Variants in PKHD1 observed in about 807,000 individuals in gnomAD.
PKHD1 encodes fibrocystin.
A neutral mutation model predicts 412.0 loss-of-function variants in PKHD1; 291 were observed. The observed-to-expected ratio is 0.71, with a 90% CI of 0.64 to 0.78. The LOEUF (loss-of-function observed/expected upper bound fraction) is 0.78. Among genes scored for constraint, PKHD1 ranks in the 30% least tolerant of loss-of-function variants. The pLI is 0.00. For missense variants in PKHD1, 4,825 were observed against 4,950.7 expected, an observed-to-expected ratio of 0.97 and a Z score of 0.76; for synonymous variants, 1,777 against 1,821.5, an observed-to-expected ratio of 0.98 and a Z score of 0.62.
chr6:51,841,430 T>C (rs1391784072), intron 50 of PKHD1, among the ~76,000 whole-genome samples: 1 of 152,102 alleles, frequency 6.6e-6, no homozygotes, highest in Admixed American at 6.6e-5. Context: ...CTTTTCTCCT[T>C]CTCTTCCTGC....
chr6:51,842,784 G>A (rs1015117346), intron 50 of PKHD1, among the ~76,000 whole-genome samples: 1 of 152,204 alleles, frequency 6.6e-6, no homozygotes, highest in Non-Finnish European at 1.5e-5. Context: ...CTGATGCTTT[G>A]GGGGACCCAG....
At chr6:51,908,796 A>G (rs547936047) in intron 40 of PKHD1, among the ~76,000 whole-genome samples, 2 of 152,014 alleles carry the variant, frequency 1.3e-5, no homozygotes, top group South Asian at 4.1e-4. Context: ...ATTCCCCCTC[A>G]TTTCCCCAGG....
chr6:51,836,272 G>C (rs1369942532), intron 51 of PKHD1, 132 bp downstream of exon 51: 3 of 722,358 alleles, frequency 4.2e-6, no homozygotes, highest in Non-Finnish European at 2.6e-6. Flanking sequence ...ACACAATAGA[G>C]AGTTATCAGA....
In PKHD1 at chr6:51,835,013, G is replaced by A. The variant is rs193126123; in HGVS notation, c.8173+1391C>T. ...TTTGTAAAATGAGGCAACTGGATAG[G>A]ATAGCCTGCAAGGTCTCCACCTTTG... On this transcript the variant is annotated intron_variant, in intron 51 of 66. Coordinates refer to ENST00000371117, the MANE Select transcript of PKHD1 (RefSeq NM_138694.4). Among the ~76,000 whole-genome samples, 730 of 152,230 alleles carry A rather than the reference G, an allele frequency of 4.8e-3. 7 individuals carry two copies. The highest frequency in any genetic ancestry group is 7.2e-3 in the Non-Finnish European group (492 of 67,998).
chr6:51,940,999 C>A (rs754811956), intron 36 of PKHD1, among the ~76,000 whole-genome samples: 6 of 151,352 alleles, frequency 4.0e-5, no homozygotes, highest in Non-Finnish European at 8.9e-5. Flanking sequence ...TACAGCCACA[C>A]CTCACTGCTG....
At chr6:51,635,865 G>C (rs1412387660) in intron 64 of PKHD1, among the ~76,000 whole-genome samples, 6 of 101,478 alleles carry the variant, frequency 5.9e-5, no homozygotes, top group Non-Finnish European at 2.1e-5. Context: ...AGGTGGGGGG[G>C]GGCGGGGGGC....
intron 35 of PKHD1, among the ~76,000 whole-genome samples, chr6:51,967,779 C>G (rs78559453): frequency 1.3e-5 from 2 of 152,160 alleles, no homozygotes; most frequent in South Asian, 2.1e-4. Context: ...TTTTCACAAG[C>G]TAACACACTG....
chr6:51,709,690 G>A (rs1167042056), intron 60 of PKHD1, among the ~76,000 whole-genome samples: 6 of 152,052 alleles, frequency 3.9e-5, no homozygotes, highest in Admixed American at 1.3e-4. Flanking sequence ...TGACGTAAAG[G>A]TTTTCCTATG....
chr6:51,711,838 A>C (rs1040647614), intron 60 of PKHD1, among the ~76,000 whole-genome samples: 5 of 152,214 alleles, frequency 3.3e-5, no homozygotes, highest in Admixed American at 6.5e-5. Context: ...AAAGAAAGAT[A>C]AATGTTTCCA....
At chr6:51,744,202 T>A (rs761631082) in intron 60 of PKHD1, among the ~76,000 whole-genome samples, 183 bp downstream of exon 60, 36 of 135,256 alleles carry the variant, frequency 2.7e-4, no homozygotes, top group East Asian at 3.2e-4. Context: ...AGTAAAGTTG[T>A]GAGATCACAT....
intron 60 of PKHD1, among the ~76,000 whole-genome samples, chr6:51,724,213 C>T (rs1329354359): frequency 6.6e-6 from 1 of 152,162 alleles, no homozygotes; most frequent in Non-Finnish European, 1.5e-5. Context: ...TTTCTCCCCT[C>T]ACCTTCTTAT....
chr6:51,915,140 GC>G (rs2127679242), intron 37 of PKHD1, among the ~76,000 whole-genome samples: 1 of 152,120 alleles, frequency 6.6e-6, no homozygotes, highest in East Asian at 1.9e-4. Flanking sequence ...TCAGATATAG[GC>G]CCTCTCTCTT....
chr6:52,064,233 T>C (rs1285157855), intron 13 of PKHD1, among the ~76,000 whole-genome samples: 1 of 152,248 alleles, frequency 6.6e-6, no homozygotes, highest in Non-Finnish European at 1.5e-5. Flanking sequence ...TGGGCACAGA[T>C]GTGCAGCCTG....
intron 41 of PKHD1, among the ~76,000 whole-genome samples, chr6:51,905,017 T>C (rs1202318101): frequency 6.6e-6 from 1 of 152,204 alleles, no homozygotes; most frequent in Non-Finnish European, 1.5e-5. Context: ...TTAAAGCAAA[T>C]GTATCTGATT....
At chr6:51,863,159 C>A (rs1264835317) in intron 48 of PKHD1, among the ~76,000 whole-genome samples, 2 of 152,072 alleles carry the variant, frequency 1.3e-5, no homozygotes, top group Non-Finnish European at 2.9e-5. Context: ...AGAAATATAC[C>A]TAGGAAGTAG....
chr6:51,744,645 T>C (rs935443154), intron 59 of PKHD1, 103 bp from the exon 60 acceptor site: 1 of 878,950 alleles, frequency 1.1e-6, no homozygotes, highest in African/African-American at 1.7e-5. Context: ...TTCAACAGAT[T>C]TTTATTATTG....
intron 55 of PKHD1, among the ~76,000 whole-genome samples, chr6:51,756,399 T>C (rs1158137028): frequency 2.0e-5 from 3 of 152,210 alleles, no homozygotes; most frequent in Admixed American, 1.3e-4. Flanking sequence ...CAGCATTTTT[T>C]CCACTAAATA....
intron 52 of PKHD1, among the ~76,000 whole-genome samples, chr6:51,801,431 C>G (rs1275254737): frequency 6.6e-6 from 1 of 152,132 alleles, no homozygotes; most frequent in African/African-American, 2.4e-5. Context: ...TATAACTAAA[C>G]TCTTTTCAAA....
At chr6:51,872,877 T>TC (rs1776212178) in intron 46 of PKHD1, among the ~76,000 whole-genome samples, 2 of 23,558 alleles carry the variant, frequency 8.5e-5, no homozygotes, top group Non-Finnish European at 1.7e-4. Flanking sequence ...ATCGTTTCCT[T>TC]TTTTTTTTTT....
Sources: allele counts gnomAD v4.1 joint callset (sites outside exome capture counted in the v4.1 genomes callset), GRCh38; gene constraint gnomAD v4.1.1; transcripts MANE v1.5; gene names NCBI Gene and HGNC (gene_info 2026-07-23, HGNC 2026-07-21).